The following EIF4B variants were observed in gnomAD, a reference collection of about 807,000 sequenced individuals.
EIF4B encodes the protein eukaryotic translation initiation factor 4B.
A neutral mutation model predicts 79.3 loss-of-function variants in EIF4B; 8 were observed. The observed-to-expected ratio is 0.10, with a 90% confidence interval of 0.06 to 0.18. The LOEUF is 0.18. Ranked by LOEUF, EIF4B falls within the 10% of genes least tolerant of loss-of-function variation. EIF4B has a pLI of 1.00. For synonymous variants in EIF4B, 238 were observed against 274.7 expected, an observed-to-expected ratio of 0.87 and a Z score of 1.32; for missense variants, 515 against 792.4, an observed-to-expected ratio of 0.65 and a Z score of 4.20.
intron 6 of EIF4B, among the ~76,000 whole-genome samples, chr12:53,026,100 AAAAAAAAAAGAG>A (rs1713262147): frequency 1.3e-5 from 2 of 149,740 alleles, no homozygotes; most frequent in South Asian, 4.2e-4. Context: ...ACTCCGTCTC[AAAAAAAAAAGAG>A]AAAGAAAAAG....
At chr12:53,018,555 A>G (rs1207333236) in intron 2 of EIF4B, among the ~76,000 whole-genome samples, 1 of 152,208 alleles carries the variant, frequency 6.6e-6, no homozygotes, top group Non-Finnish European at 1.5e-5. Flanking sequence ...GCACACAGTA[A>G]TATTCCATAA....
chr12:53,026,726 C>T lies in EIF4B; in HGVS notation c.668-1056C>T, dbSNP rs375543153. Among the ~76,000 whole-genome samples the T allele has an allele frequency of 2.2e-4, 34 of 152,178 alleles. No homozygotes were observed. In the East Asian group the frequency reaches 5.6e-3, roughly 25 times the overall value. On this transcript the variant is annotated intron_variant, in intron 6 of 14. Coordinates refer to ENST00000262056, the MANE Select transcript of EIF4B (RefSeq NM_001417.7). Reference sequence around the variant, plus strand: ...AAGTGATCCTTCCACCTCATCCTCCCAAGTAGCTGGGACCACAGGCCTGCA... The same window carrying T: ...AAGTGATCCTTCCACCTCATCCTCCTAAGTAGCTGGGACCACAGGCCTGCA...
At chr12:53,029,456 A>G (rs1206358606) in intron 8 of EIF4B, among the ~76,000 whole-genome samples, 2 of 150,146 alleles carry the variant, frequency 1.3e-5, no homozygotes, top group Admixed American at 6.7e-5. Flanking sequence ...GCTCACTGCA[A>G]CCTTTGCGTC....
In EIF4B at chr12:53,041,133, TC is replaced by T. The variant is rs1259847685; in HGVS notation, c.*911del. On this transcript the variant is annotated 3_prime_UTR_variant, in exon 15 of 15. Transcript: ENST00000262056. ...CTAAAAATTTAGACTCTTATCATCA[TC>T]TTAAGTTCTTCATGCTACTCTTAAC... The T allele has an allele frequency of 3.9e-5, 6 of 152,206 alleles. No homozygotes were observed. The highest frequency in any genetic ancestry group is 7.3e-5 in the Non-Finnish European group (5 of 68,046). The allele number at this position is 152,206 out of a possible 1,614,324, so 9.4% of individuals were successfully genotyped here.
chr12:53,006,783 A>C (rs983824356), intron 1 of EIF4B, among the ~76,000 whole-genome samples: 3 of 151,836 alleles, frequency 2.0e-5, no homozygotes, highest in Non-Finnish European at 2.9e-5. Context: ...AGGCGCAGAA[A>C]GGTGTGCGGG....
chr12:53,031,639 A>AG (rs1397823051), intron 8 of EIF4B, among the ~76,000 whole-genome samples: 5 of 152,246 alleles, frequency 3.3e-5, no homozygotes, highest in African/African-American at 1.2e-4. Flanking sequence ...ATCTTACAAA[A>AG]GTGACGGGGC....
At position 53,022,534 on chromosome 12, in the gene EIF4B, T is replaced by C. The variant is rs1440825644; in HGVS notation, c.574T>C (p.Ser192Pro). ...TTTTGGCCGTGATAGAAATCGGGAT[T>C]CTGACAAAACAGATACAGACTGGAG... ...RSFGRDRNRD[S>P]DKTDTDWRAR... The change falls in exon 6 of 15, where the codon TCT becomes CCT. Residue 192 changes from serine (S) to proline (P), a missense_variant. By Grantham distance (74) the Ser-to-Pro change is moderately conservative. Coordinates refer to ENST00000262056, the MANE Select transcript of EIF4B (RefSeq NM_001417.7). The C allele has an allele frequency of 5.0e-6, 8 of 1,613,302 alleles. No homozygotes were observed. In the Middle Eastern group the frequency reaches 5.4e-4, roughly 108 times the overall value.
Position 53,040,469 on chromosome 12 carries a change from TGTG to T in EIF4B, c.*250_*252del. The T allele has an allele frequency of 2.4e-6, 1 of 408,194 alleles. No individual in the cohort carries two copies. Among genetic ancestry groups the T allele is most frequent in the East Asian group, 4.6e-5 (1 of 21,570 alleles). The allele number at this position is 408,194 out of a possible 1,614,324, so 25.3% of individuals were successfully genotyped here. On this transcript the variant is annotated 3_prime_UTR_variant, in exon 15 of 15. Transcript: ENST00000262056. ...GACTACAGCTTTTTAGAGGAAAAGT[TGTG>T]GTGCGTTATGTCACCATGCAGTTGC...
chr12:53,026,942 T>C (rs1943344230), intron 6 of EIF4B, among the ~76,000 whole-genome samples: 1 of 152,008 alleles, frequency 6.6e-6, no homozygotes, highest in African/African-American at 2.4e-5. Context: ...TAGAAAATTA[T>C]GTCCTGTTAG....
intron 6 of EIF4B, chr12:53,025,427 A>T (rs1943317577): frequency 3.0e-6 from 1 of 336,316 alleles, no homozygotes; most frequent in Middle Eastern, 4.0e-4. Context: ...TCCTGTCCCA[A>T]GCATTAGGCC....
intron 1 of EIF4B, chr12:53,015,089 T>C (rs776579340): frequency 6.6e-6 from 1 of 152,264 alleles, no homozygotes; most frequent in Non-Finnish European, 1.5e-5. Flanking sequence ...CATCCTCATA[T>C]GCAGTGTTGT....
intron 1 of EIF4B, among the ~76,000 whole-genome samples, chr12:53,010,284 T>C (rs1284655959): frequency 1.3e-5 from 2 of 152,238 alleles, no homozygotes; most frequent in Non-Finnish European, 2.9e-5. Context: ...GTGGAGCTTA[T>C]GAGTTTTGAC....
At chr12:53,007,332 C>T (rs780884490) in intron 1 of EIF4B, among the ~76,000 whole-genome samples, 3 of 151,432 alleles carry the variant, frequency 2.0e-5, no homozygotes, top group Non-Finnish European at 4.4e-5. Context: ...GCATTTTTTA[C>T]TCAGCGCAGC....
At position 53,038,420 on chromosome 12, in the gene EIF4B, A is replaced by G. The variant is rs1322734380; in HGVS notation, c.1576+9A>G. The G allele has an allele frequency of 6.3e-7, 1 of 1,583,150 alleles. No individual in the cohort carries two copies. The highest frequency in any genetic ancestry group is 1.4e-5 in the African/African-American group (1 of 73,210). ...AGGACCAGGAAGGAAAGGTGAGCTC[A>G]TAGTATGGGAAATAGGTTTTTCACC... On this transcript the variant is annotated intron_variant, in intron 12 of 14. Coordinates refer to ENST00000262056, the MANE Select transcript of EIF4B (RefSeq NM_001417.7).
intron 12 of EIF4B, 59 bp downstream of exon 12, chr12:53,038,470 CA>C (rs1943574795): frequency 6.7e-7 from 1 of 1,498,550 alleles, no homozygotes; most frequent in Non-Finnish European, 9.0e-7. Flanking sequence ...AAAAGGCCTC[CA>C]AAATTAGATT....
chr12:53,018,253 G>T (rs1318994721), intron 2 of EIF4B, among the ~76,000 whole-genome samples: 1 of 152,196 alleles, frequency 6.6e-6, no homozygotes, highest in Non-Finnish European at 1.5e-5. Flanking sequence ...CTCCCGAAGT[G>T]TTGGGATTAT....
At chr12:53,010,043 T>C (rs1194880546) in intron 1 of EIF4B, among the ~76,000 whole-genome samples, 1 of 152,212 alleles carries the variant, frequency 6.6e-6, no homozygotes, top group Non-Finnish European at 1.5e-5. Context: ...GTCCTGATAG[T>C]GGGAAAGTAC....
Position 53,018,821 on chromosome 12 carries a change from G to A in EIF4B, c.175G>A (p.Asp59Asn), listed in dbSNP as rs1943189369. The change falls in exon 3 of 15, where the codon GAT becomes AAT. Residue 59 changes from aspartate (D) to asparagine (N), a missense_variant. By Grantham distance (23) the Asp-to-Asn change is conservative (BLOSUM62 1). Transcript: ENST00000262056. ...AGTTTCGACCACTTGGCACAGTAAC[G>A]ATGACGATGTGTATAGGGCGCCTCC... ...GDVSTTWHSNDDDVYRAPPID... is the reference protein window; with the variant it reads ...GDVSTTWHSNNDDVYRAPPID... 3.7e-6 allele frequency: 6 copies of A among 1,612,888 alleles called. No homozygotes were observed. Among genetic ancestry groups the A allele is most frequent in the Non-Finnish European group, 5.1e-6 (6 of 1,179,830 alleles).
At chr12:53,011,399 T>C (rs1253063429) in intron 1 of EIF4B, among the ~76,000 whole-genome samples, 2 of 152,210 alleles carry the variant, frequency 1.3e-5, no homozygotes, top group African/African-American at 4.8e-5. Context: ...TTTTTATTTA[T>C]TGAAGTGAAA....
Sources: gnomAD v4.1 joint callset for allele counts (sites outside exome capture counted in the v4.1 genomes callset) on GRCh38, gnomAD v4.1.1 for gene constraint, MANE v1.5 for transcripts, NCBI Gene and HGNC (gene_info 2026-07-23, HGNC 2026-07-21) for gene names.